The following CPA6 variants were observed in gnomAD, a reference collection of about 807,000 sequenced individuals.
The protein encoded by CPA6 is carboxypeptidase A6.
CPA6 carries 58 observed loss-of-function variants against 63.3 expected under a neutral mutation model. That is an observed-to-expected ratio of 0.92 (90% CI 0.74 to 1.14). The LOEUF (loss-of-function observed/expected upper bound fraction) is 1.14. Ranked by LOEUF, CPA6 falls within the 50% of genes most tolerant of loss-of-function variation. The pLI is 0.00. For synonymous variants in CPA6, 185 were observed against 179.0 expected (o/e 1.03, Z -0.27); for missense variants, 565 against 526.6 (o/e 1.07, Z -0.71).
chr8:67,426,745 ATG>A (rs1024530049), intron 10 of CPA6, among the ~76,000 whole-genome samples: 2 of 152,210 alleles, frequency 1.3e-5, no homozygotes, highest in South Asian at 2.1e-4. Flanking sequence ...TACATACAAC[ATG>A]TGTGTGTTTA....
At chr8:67,527,980 T>C (rs1434553890) in intron 2 of CPA6, among the ~76,000 whole-genome samples, 2 of 152,172 alleles carry the variant, frequency 1.3e-5, no homozygotes, top group African/African-American at 4.8e-5. Flanking sequence ...CTCTCAGCTG[T>C]CTGTGAGAAC....
intron 1 of CPA6, among the ~76,000 whole-genome samples, chr8:67,736,217 T>C (rs149670552): frequency 3.3e-5 from 5 of 152,346 alleles, no homozygotes; most frequent in African/African-American, 1.2e-4. Flanking sequence ...TTCTACCACC[T>C]GGTGTAAAAT....
rs187668573 is a variant in CPA6 at position 67,540,457 on chromosome 8, T to A, written c.193-22410A>T. Among the ~76,000 whole-genome samples the A allele has an allele frequency of 2.0e-3, 297 of 152,184 alleles. 2 individuals carry two copies. The highest frequency in any genetic ancestry group is 3.2e-3 in the Non-Finnish European group (217 of 67,980). On this transcript the variant is annotated intron_variant, in intron 2 of 10. Coordinates refer to ENST00000297770, the MANE Select transcript of CPA6 (RefSeq NM_020361.5). ...GTGTCTGTCAAACCCTGCTGGGAGG[T>A]GTCTTCCAGTCAGGTGGCATGGGGG...
chr8:67,463,555 T>C (rs1377448622), intron 8 of CPA6, among the ~76,000 whole-genome samples: 1 of 152,200 alleles, frequency 6.6e-6, no homozygotes, highest in East Asian at 1.9e-4. Context: ...TGGAGATATA[T>C]GTGCATGTTT....
chr8:67,613,809 A>C (rs889696879), intron 2 of CPA6, among the ~76,000 whole-genome samples: 5 of 152,112 alleles, frequency 3.3e-5, no homozygotes, highest in African/African-American at 1.2e-4. Context: ...TATGCCCCCT[A>C]TCCTGCACCC....
chr8:67,431,758 T>G (rs1810032971), intron 9 of CPA6, among the ~76,000 whole-genome samples: 1 of 151,758 alleles, frequency 6.6e-6, no homozygotes, highest in Non-Finnish European at 1.5e-5. Flanking sequence ...AGAATATAAT[T>G]ATCACTTTTA....
chr8:67,542,213 G>A (rs2128971042), intron 2 of CPA6, among the ~76,000 whole-genome samples: 1 of 152,324 alleles, frequency 6.6e-6, no homozygotes, highest in East Asian at 1.9e-4. Flanking sequence ...TCATTGGCCT[G>A]AGGACCACAC....
At chr8:67,499,328 G>C (rs1416059957) in intron 6 of CPA6, among the ~76,000 whole-genome samples, 2 of 152,200 alleles carry the variant, frequency 1.3e-5, no homozygotes, top group Non-Finnish European at 2.9e-5. Flanking sequence ...AGGGAAGAGA[G>C]AGCAGAGATG....
intron 1 of CPA6, among the ~76,000 whole-genome samples, chr8:67,705,871 G>A (rs1048008388): frequency 6.6e-6 from 1 of 152,112 alleles, no homozygotes; most frequent in African/African-American, 2.4e-5. Context: ...ACGGCAACAT[G>A]CAGTACAAAC....
intron 1 of CPA6, among the ~76,000 whole-genome samples, chr8:67,675,879 A>C (rs1286904842): frequency 6.6e-6 from 1 of 152,210 alleles, no homozygotes; most frequent in African/African-American, 2.4e-5. Context: ...TACATTGCCC[A>C]GCACAGGCTG....
At chr8:67,681,298 T>C (rs937561248) in intron 1 of CPA6, among the ~76,000 whole-genome samples, 2 of 142,988 alleles carry the variant, frequency 1.4e-5, no homozygotes, top group African/African-American at 2.7e-5. Context: ...CAAGCTCCGC[T>C]TCCCGGGTTC....
intron 2 of CPA6, among the ~76,000 whole-genome samples, chr8:67,527,935 CTG>C (rs1410286820): frequency 5.9e-5 from 9 of 152,202 alleles, no homozygotes; most frequent in Non-Finnish European, 1.0e-4. Flanking sequence ...AATCATCACT[CTG>C]TGAATGTGCG....
intron 8 of CPA6, among the ~76,000 whole-genome samples, chr8:67,435,503 C>T (rs1446033405): frequency 6.6e-6 from 1 of 152,116 alleles, no homozygotes; most frequent in Non-Finnish European, 1.5e-5. Flanking sequence ...GGGGAGGAGA[C>T]GGCAGGTGCG....
At chr8:67,516,026 C>T (rs1812138192) in intron 3 of CPA6, among the ~76,000 whole-genome samples, 1 of 152,144 alleles carries the variant, frequency 6.6e-6, no homozygotes, top group Non-Finnish European at 1.5e-5. Flanking sequence ...GGGATGAATA[C>T]TTGAACTATT....
At chr8:67,437,534 A>T (rs551524451) in intron 8 of CPA6, among the ~76,000 whole-genome samples, 25 of 152,352 alleles carry the variant, frequency 1.6e-4, no homozygotes, top group South Asian at 1.2e-3. Context: ...CTAATTCTGG[A>T]GGGAGCAGAA....
At chr8:67,622,148 GA>G (rs1261718675) in intron 2 of CPA6, among the ~76,000 whole-genome samples, 1 of 152,186 alleles carries the variant, frequency 6.6e-6, no homozygotes, top group Admixed American at 6.5e-5. Flanking sequence ...CATCCTTTGA[GA>G]AATATTTTGC....
chr8:67,543,447 G>T (rs533968265), intron 2 of CPA6, among the ~76,000 whole-genome samples: 1 of 152,172 alleles, frequency 6.6e-6, no homozygotes, highest in Non-Finnish European at 1.5e-5. Flanking sequence ...TATGCTGTCG[G>T]TTGAACATAC....
At chr8:67,483,704 A>G (rs1458822625) in intron 8 of CPA6, 64 bp downstream of exon 8, 2 of 1,334,754 alleles carry the variant, frequency 1.5e-6, no homozygotes, top group Non-Finnish European at 1.1e-6. Context: ...CTCTGGACTC[A>G]TATTTTGCAG....
intron 9 of CPA6, among the ~76,000 whole-genome samples, chr8:67,428,547 G>A (rs947846118): frequency 3.9e-5 from 6 of 152,112 alleles, no homozygotes; most frequent in South Asian, 2.1e-4. Flanking sequence ...GCAATGGCGC[G>A]ATCTCTGCTC....
Sources: allele counts gnomAD v4.1 joint callset (sites outside exome capture counted in the v4.1 genomes callset), GRCh38; gene constraint gnomAD v4.1.1; transcripts MANE v1.5; gene names NCBI Gene and HGNC (gene_info 2026-07-23, HGNC 2026-07-21).